TMEM132D: variants seen among roughly 807,000 people sequenced by gnomAD.
TMEM132D encodes transmembrane protein 132D.
TMEM132D carries 21 observed loss-of-function variants against 62.3 expected under a neutral mutation model. The observed-to-expected ratio is 0.34, with a 90% confidence interval of 0.24 to 0.49. The LOEUF (loss-of-function observed/expected upper bound fraction) is 0.49, where lower values mean the gene tolerates loss of function less well. Among genes scored for constraint, TMEM132D ranks in the 20% least tolerant of loss-of-function variants. The pLI is 0.99. For synonymous variants in TMEM132D, 621 were observed against 575.6 expected (o/e 1.08, Z -1.13); for missense variants, 1,346 against 1,402.8 (o/e 0.96, Z 0.65).
chr12:129,662,647 G>C (rs1404012941), intron 2 of TMEM132D, among the ~76,000 whole-genome samples: 1 of 152,088 alleles, frequency 6.6e-6, no homozygotes, highest in South Asian at 2.1e-4. Flanking sequence ...ACAAAAATTA[G>C]CTGGGCATGG....
intron 7 of TMEM132D, among the ~76,000 whole-genome samples, chr12:129,080,667 A>C (rs1213772547): frequency 1.3e-5 from 2 of 152,172 alleles, no homozygotes; most frequent in Non-Finnish European, 2.9e-5. Flanking sequence ...CTGCTGAGTA[A>C]TACACTCTTC....
chr12:129,800,698 C>T (rs1871741604), intron 1 of TMEM132D, among the ~76,000 whole-genome samples: 1 of 152,072 alleles, frequency 6.6e-6, no homozygotes, highest in Non-Finnish European at 1.5e-5. Flanking sequence ...AAAGTAATTA[C>T]CAGGGAGGAG....
Position 129,903,433 on chromosome 12 carries a change from G to A in TMEM132D, c.-94C>T, listed in dbSNP as rs1311881599. ...CCCCTAGAGGCCCGCAGCGGGGCCG[G>A]TGGCGAGGGAGCGCCCGGCTAGGGG... On this transcript the variant is annotated 5_prime_UTR_variant, in exon 1 of 9. Coordinates refer to ENST00000422113, the MANE Select transcript of TMEM132D (RefSeq NM_133448.3). The surrounding 1 kb of genome is among the most constrained non-coding windows in gnomAD (Gnocchi z 6.2). 7.3e-7 allele frequency: 1 copy of A among 1,374,718 alleles called. No homozygotes were observed. Among genetic ancestry groups the A allele is most frequent in the Admixed American group, 2.1e-5 (1 of 47,772 alleles). 85.2% of individuals were successfully genotyped at this position (1,374,718 alleles called of 1,614,324 possible).
At position 129,624,538 on chromosome 12, in the gene TMEM132D, G is replaced by C. The variant is rs185534670; in HGVS notation, c.968+75272C>G. Among the ~76,000 whole-genome samples the C allele has an allele frequency of 2.3e-4, 35 of 152,354 alleles. No individual in the cohort carries two copies. In the East Asian group the frequency reaches 6.0e-3, roughly 26 times the overall value. ...GAGCTCAGCTGGACCAGCAGGACAA[G>C]ACCACTGCAGACAGCACAGTGGCAT... On this transcript the variant is annotated intron_variant, in intron 2 of 8. Transcript: ENST00000422113.
At chr12:129,701,606 G>A (rs188405512) in intron 1 of TMEM132D, among the ~76,000 whole-genome samples, 1 of 152,120 alleles carries the variant, frequency 6.6e-6, no homozygotes, top group South Asian at 2.1e-4. Context: ...TCTCCCTCAG[G>A]GGGAGAAAAA....
At chr12:129,403,184 C>T (rs576670528) in intron 3 of TMEM132D, among the ~76,000 whole-genome samples, 2 of 150,868 alleles carry the variant, frequency 1.3e-5, no homozygotes, top group Non-Finnish European at 2.9e-5. Context: ...GGAAAGAGGT[C>T]CCATGACTTG....
At chr12:129,477,897 C>A (rs1386549379) in intron 3 of TMEM132D, among the ~76,000 whole-genome samples, 1 of 151,902 alleles carries the variant, frequency 6.6e-6, no homozygotes, top group African/African-American at 2.4e-5. Flanking sequence ...GAGAGAGAGT[C>A]ATGTGTTGTT....
At chr12:129,388,890 G>T (rs1304597997) in intron 3 of TMEM132D, among the ~76,000 whole-genome samples, 2 of 87,226 alleles carry the variant, frequency 2.3e-5, no homozygotes, top group East Asian at 4.0e-4. Context: ...ACACTAACAT[G>T]AATCCTAATA....
intron 1 of TMEM132D, among the ~76,000 whole-genome samples, chr12:129,801,534 C>T (rs1871784369): frequency 6.6e-6 from 1 of 151,266 alleles, no homozygotes; most frequent in Admixed American, 6.6e-5. Context: ...AAAAACCCAT[C>T]TGTACATCAC....
rs1410781356 is a variant in TMEM132D at position 129,867,050 on chromosome 12, C to T, written c.79+36211G>A. 4.6e-5 allele frequency among the ~76,000 whole-genome samples: 7 copies of T among 151,572 alleles called. No individual in the cohort carries two copies. The highest frequency in any genetic ancestry group is 1.7e-4 in the African/African-American group (7 of 41,228). On this transcript the variant is annotated intron_variant, in intron 1 of 8. Transcript: ENST00000422113. The surrounding 1 kb of genome is among the most constrained non-coding windows in gnomAD (Gnocchi z 4.5). ...ATGGCCTGAGCTCAGGAGTTGGAGA[C>T]CAGACTGGGCAACACGGAAAAACCC... is the stretch of plus-strand genomic sequence containing the variant.
intron 1 of TMEM132D, among the ~76,000 whole-genome samples, chr12:129,741,350 C>T (rs1308119492): frequency 4.6e-5 from 7 of 152,228 alleles, no homozygotes; most frequent in East Asian, 1.9e-4. Context: ...TTTCATTGGA[C>T]GTGTTAATCT....
intron 1 of TMEM132D, among the ~76,000 whole-genome samples, chr12:129,708,171 C>A (rs760013092): frequency 6.6e-6 from 1 of 152,026 alleles, no homozygotes; most frequent in Non-Finnish European, 1.5e-5. Flanking sequence ...GAGCTGAGAT[C>A]GCACCAGTGC....
At chr12:129,902,035 T>C (rs919272090) in intron 1 of TMEM132D, among the ~76,000 whole-genome samples, 1 of 152,156 alleles carries the variant, frequency 6.6e-6, no homozygotes, top group African/African-American at 2.4e-5. Context: ...AACTCATAAT[T>C]AGGAAACGTG....
At chr12:129,523,019 A>G (rs1272946414) in intron 3 of TMEM132D, among the ~76,000 whole-genome samples, 2 of 152,188 alleles carry the variant, frequency 1.3e-5, no homozygotes, top group Non-Finnish European at 2.9e-5. Flanking sequence ...AGATACAGAC[A>G]TAGAAATTTT....
intron 4 of TMEM132D, among the ~76,000 whole-genome samples, chr12:129,252,595 A>G (rs1880297813): frequency 6.6e-6 from 1 of 152,188 alleles, no homozygotes; most frequent in South Asian, 2.1e-4. Context: ...TGTTGGTGGG[A>G]CTGTAAACTA....
intron 3 of TMEM132D, among the ~76,000 whole-genome samples, chr12:129,493,610 G>GAC (rs1478099812): frequency 6.6e-6 from 1 of 152,138 alleles, no homozygotes; most frequent in African/African-American, 2.4e-5. Context: ...ATTGATTTTT[G>GAC]ACACACACAA....
intron 4 of TMEM132D, among the ~76,000 whole-genome samples, chr12:129,330,055 AG>A (rs1869053875): frequency 6.6e-6 from 1 of 152,348 alleles, no homozygotes. Context: ...ACAGATTTAA[AG>A]AACATGCCTT....
intron 3 of TMEM132D, among the ~76,000 whole-genome samples, chr12:129,485,139 C>T (rs1874545938): frequency 6.6e-6 from 1 of 152,162 alleles, no homozygotes; most frequent in Non-Finnish European, 1.5e-5. Flanking sequence ...GAGGCAAACA[C>T]ATATACGTGG....
intron 3 of TMEM132D, among the ~76,000 whole-genome samples, chr12:129,396,568 A>G (rs1334080460): frequency 1.3e-5 from 2 of 152,144 alleles, no homozygotes; most frequent in Admixed American, 6.6e-5. Context: ...GGTCACTAAG[A>G]GACTGGAGGA....
Sources: gnomAD v4.1 joint callset for allele counts (sites outside exome capture counted in the v4.1 genomes callset) on GRCh38, gnomAD v4.1.1 for gene constraint, Gnocchi (gnomAD v3.1) non-coding constraint, MANE v1.5 for transcripts, NCBI Gene and HGNC (gene_info 2026-07-23, HGNC 2026-07-21) for gene names.